The following ENOX1 variants were observed in gnomAD, a reference collection of about 807,000 sequenced individuals.
The protein encoded by ENOX1 is candidate growth-related and time keeping constitutive hydroquinone (NADH) oxidase.
ENOX1 carries 42 observed loss-of-function variants against 82.5 expected under a neutral mutation model. The ratio of observed to expected loss-of-function variants is 0.51; its 90% CI spans 0.40 to 0.66. The LOEUF (loss-of-function observed/expected upper bound fraction) is 0.66. Among genes scored for constraint, ENOX1 ranks in the 30% least tolerant of loss-of-function variants. The pLI, the probability that ENOX1 is intolerant of heterozygous loss-of-function variation, is 0.00. For missense variants in ENOX1, 608 were observed against 811.6 expected (o/e 0.75, Z 3.05); for synonymous variants, 271 against 282.2 (o/e 0.96, Z 0.40).
chr13:43,541,173 G>GTTTTTTTTTTTCTTTTTTTTTTTTTTTT (rs2078698274), intron 2 of ENOX1, among the ~76,000 whole-genome samples: 1 of 64,574 alleles, frequency 1.5e-5, no homozygotes, highest in South Asian at 1.3e-3. Context: ...TCTTCCCTCT[G>GTTTTTTTTTTTCTTTTTTTTTTTTTTTT]TTTTTTTTTT....
intron 2 of ENOX1, among the ~76,000 whole-genome samples, chr13:43,561,194 C>G (rs1407003006): frequency 1.2e-4 from 1 of 8,018 alleles, no homozygotes; most frequent in East Asian, 0.25. Flanking sequence ...TACCTCTTAT[C>G]ATCACCCCAC....
chr13:43,434,937 G>T lies in ENOX1; in HGVS notation c.-74-21949C>A, dbSNP rs74068173. On this transcript the variant is annotated intron_variant, in intron 3 of 16. Coordinates refer to ENST00000690772, the MANE Select transcript of ENOX1 (RefSeq NM_001347969.2). ...CGTGTCTTATTATTGTGTGTGTGTG[G>T]TTTTTTTTTTTTTTTTTTTTTTTTT... Among the ~76,000 whole-genome samples the T allele has an allele frequency of 3.0e-3, 230 of 75,882 alleles. 1 individual carries two copies. The highest frequency in any genetic ancestry group is 7.7e-3 in the African/African-American group (145 of 18,762). 49.8% of individuals were successfully genotyped at this position (75,882 alleles called of 152,430 possible). A position where few individuals can be genotyped will look rare whatever the true frequency, so the allele number is the denominator to read the frequency against.
At chr13:43,455,557 G>C (rs943466370) in intron 3 of ENOX1, among the ~76,000 whole-genome samples, 1 of 151,662 alleles carries the variant, frequency 6.6e-6, no homozygotes, top group Non-Finnish European at 1.5e-5. Context: ...TCTCCTTCTG[G>C]CATGCTTATG....
rs537561356 is a variant in ENOX1 at position 43,635,732 on chromosome 13, T to C, written c.-219+31747A>G. Among the ~76,000 whole-genome samples the C allele has an allele frequency of 2.6e-5, 4 of 152,186 alleles. No individual in the cohort carries two copies. In the Middle Eastern group the frequency reaches 0.01, roughly 388 times the overall value. ...GGAAGGGCCACAACTTGCATTAGAC[T>C]TGCAGTTAAAGAGACAGAGAGATAA... is the stretch of plus-strand genomic sequence containing the variant. On this transcript the variant is annotated intron_variant, in intron 2 of 16. Coordinates refer to ENST00000690772, the MANE Select transcript of ENOX1 (RefSeq NM_001347969.2).
chr13:43,466,959 C>G (rs2057753186), intron 3 of ENOX1, among the ~76,000 whole-genome samples: 1 of 152,104 alleles, frequency 6.6e-6, no homozygotes, highest in Non-Finnish European at 1.5e-5. Context: ...TAAATGTATT[C>G]CATTCTGATT....
chr13:43,575,571 G>A (rs2080386380), intron 2 of ENOX1, among the ~76,000 whole-genome samples: 1 of 152,150 alleles, frequency 6.6e-6, no homozygotes, highest in African/African-American at 2.4e-5. Flanking sequence ...AAGAACCTCT[G>A]CCTTCCTGTT....
chr13:43,304,131 C>G (rs1446862766), intron 11 of ENOX1, among the ~76,000 whole-genome samples: 1 of 152,204 alleles, frequency 6.6e-6, no homozygotes, highest in Non-Finnish European at 1.5e-5. Context: ...TTGCCCCGTG[C>G]CCTGGCTATC....
intron 1 of ENOX1, among the ~76,000 whole-genome samples, chr13:43,776,122 T>C (rs911353070): frequency 6.6e-6 from 1 of 152,174 alleles, no homozygotes; most frequent in Non-Finnish European, 1.5e-5. Flanking sequence ...AGCAGAGGTA[T>C]GAACTGAAAG....
chr13:43,330,659 C>T (rs908481188), intron 9 of ENOX1, among the ~76,000 whole-genome samples: 2 of 152,050 alleles, frequency 1.3e-5, no homozygotes. Flanking sequence ...CAGAAGTATG[C>T]CTGAATGCCA....
chr13:43,697,905 C>G (rs532339923), intron 1 of ENOX1, among the ~76,000 whole-genome samples: 1 of 152,328 alleles, frequency 6.6e-6, no homozygotes, highest in South Asian at 2.1e-4. Flanking sequence ...GAAAGGCTCA[C>G]AAACTGACTG....
chr13:43,439,847 A>T (rs190510670), intron 3 of ENOX1, among the ~76,000 whole-genome samples: 49 of 152,298 alleles, frequency 3.2e-4, no homozygotes, highest in African/African-American at 1.2e-3. Flanking sequence ...AACGAGCCAG[A>T]TTTTTCTGGT....
chr13:43,361,319 T>A lies in ENOX1; in HGVS notation c.342A>T (p.Ile114=), dbSNP rs775872274. The change falls in exon 6 of 17, where the codon ATA becomes ATT. Residue 114 remains isoleucine, a synonymous_variant. Transcript: ENST00000690772. ...PPTEVAVVKE[I]IHCKSCTLFP... ...AAAGAGTACAGCTTTTGCAGTGGAT[T>A]ATTTCTTTGACAACAGCCACTTCTG... The A allele has an allele frequency of 5.6e-6, 9 of 1,614,056 alleles. No individual in the cohort carries two copies. In the East Asian group the frequency reaches 6.7e-5, roughly 12 times the overall value.
chr13:43,308,436 G>A (rs987989208), intron 11 of ENOX1, among the ~76,000 whole-genome samples: 2 of 152,078 alleles, frequency 1.3e-5, no homozygotes, highest in Non-Finnish European at 2.9e-5. Context: ...CCTAATAGGT[G>A]GGAAAAGAGG....
chr13:43,484,144 C>T lies in ENOX1; in HGVS notation c.-210G>A. 1.0e-6 allele frequency: 1 copy of T among 985,392 alleles called. No individual in the cohort carries two copies. Among genetic ancestry groups the T allele is most frequent in the Non-Finnish European group, 1.2e-6 (1 of 829,874 alleles). The allele number at this position is 985,392 out of a possible 1,614,324, so 61.0% of individuals were successfully genotyped here. The stretch of plus-strand genomic sequence containing the variant: ...GGAAGACAGCATGGTTCTGACATAT[C>T]AGAGGCTTCTGGAAGCAAAGAAAAG... On this transcript the variant is annotated 5_prime_UTR_variant, in exon 3 of 17. An upstream open reading frame in the 5' UTR loses its in-frame stop. Coordinates refer to ENST00000690772, the MANE Select transcript of ENOX1 (RefSeq NM_001347969.2).
At chr13:43,749,755 T>C (rs1343053836) in intron 1 of ENOX1, among the ~76,000 whole-genome samples, 1 of 152,230 alleles carries the variant, frequency 6.6e-6, no homozygotes, top group Non-Finnish European at 1.5e-5. Context: ...TTTAAGGTAG[T>C]TGAGTAATTA....
chr13:43,397,440 AG>A (rs529941753), intron 5 of ENOX1, among the ~76,000 whole-genome samples: 49 of 152,284 alleles, frequency 3.2e-4, no homozygotes, highest in African/African-American at 1.2e-3. Flanking sequence ...ACCTCACATT[AG>A]GGTATTGAGG....
At chr13:43,577,800 C>G (rs2080512873) in intron 2 of ENOX1, among the ~76,000 whole-genome samples, 1 of 152,168 alleles carries the variant, frequency 6.6e-6, no homozygotes, top group African/African-American at 2.4e-5. Flanking sequence ...TCATTTATAG[C>G]ATCCCTAGAT....
intron 5 of ENOX1, among the ~76,000 whole-genome samples, chr13:43,392,793 C>T (rs1024842909): frequency 6.6e-6 from 1 of 152,180 alleles, no homozygotes; most frequent in Non-Finnish European, 1.5e-5. Flanking sequence ...TTTACAAACA[C>T]ATTTAAAATC....
At chr13:43,582,233 G>A (rs2080777998) in intron 2 of ENOX1, among the ~76,000 whole-genome samples, 1 of 151,540 alleles carries the variant, frequency 6.6e-6, no homozygotes, top group African/African-American at 2.4e-5. Flanking sequence ...ATAACATGCA[G>A]AAAATAACTT....
Sources: gnomAD v4.1 joint callset for allele counts (sites outside exome capture counted in the v4.1 genomes callset) on GRCh38, gnomAD v4.1.1 for gene constraint, MANE v1.5 for transcripts, NCBI Gene and HGNC (gene_info 2026-07-23, HGNC 2026-07-21) for gene names.